Variants in TNS1 observed in about 807,000 individuals in gnomAD.
The protein encoded by TNS1 is tensin 1.
Under a neutral mutation model 168.6 loss-of-function variants are expected in TNS1, and 62 were observed. The ratio of observed to expected loss-of-function variants is 0.37; its 90% CI spans 0.30 to 0.45. The LOEUF is 0.45. TNS1 is among the 20% of genes least tolerant of loss of function. TNS1 has a pLI of 1.00. For synonymous variants in TNS1, 934 were observed against 933.2 expected (o/e 1.00, Z -0.02); for missense variants, 2,240 against 2,339.4 (o/e 0.96, Z 0.88).
Position 217,935,271 on chromosome 2 carries a change from C to G in TNS1, c.187-15035G>C, listed in dbSNP as rs148569930. ...GGCACTGGACTCCAGGCCACCTACT[C>G]AGAACAGTCTGCCCAGGAGGCAGGG... On this transcript the variant is annotated intron_variant, in intron 3 of 32. Coordinates refer to ENST00000682258, the MANE Select transcript of TNS1 (RefSeq NM_001387777.1). 7.3e-4 allele frequency among the ~76,000 whole-genome samples: 112 copies of G among 152,390 alleles called. 1 individual carries two copies. Among genetic ancestry groups the G allele is most frequent in the Admixed American group, 1.6e-3 (24 of 15,314 alleles).
At chr2:217,900,403 A>T in intron 7 of TNS1, 60 bp downstream of exon 7, 1 of 1,511,296 alleles carries the variant, frequency 6.6e-7, no homozygotes, top group Non-Finnish European at 8.9e-7. Context: ...CTTAACAGGG[A>T]CACCCACAGT....
chr2:217,929,458 G>C (rs1274947562), intron 3 of TNS1, among the ~76,000 whole-genome samples: 1 of 152,128 alleles, frequency 6.6e-6, no homozygotes, highest in Non-Finnish European at 1.5e-5. Context: ...AAGACAGCAA[G>C]CCTACCGGGG....
intron 19 of TNS1, among the ~76,000 whole-genome samples, chr2:217,837,734 G>C (rs1945364201): frequency 6.6e-6 from 1 of 152,240 alleles, no homozygotes; most frequent in Admixed American, 6.5e-5. Context: ...CTTACAAACT[G>C]TTCCACTTAA....
chr2:217,954,712 T>G (rs1559386017), intron 3 of TNS1, among the ~76,000 whole-genome samples: 1 of 152,104 alleles, frequency 6.6e-6, no homozygotes, highest in Non-Finnish European at 1.5e-5. Context: ...CAGCAGCCCT[T>G]CCTGCCCTGC....
intron 18 of TNS1, among the ~76,000 whole-genome samples, chr2:217,879,919 G>A (rs754952908): frequency 1.3e-5 from 2 of 152,180 alleles, no homozygotes; most frequent in African/African-American, 2.4e-5. Flanking sequence ...CAGACGCTGG[G>A]TGCTGGCATC....
chr2:217,826,650 C>T (rs1943662636), intron 22 of TNS1, among the ~76,000 whole-genome samples: 1 of 152,228 alleles, frequency 6.6e-6, no homozygotes, highest in Non-Finnish European at 1.5e-5. Context: ...ACTCCTCACT[C>T]GCACCACCTC....
In TNS1 at chr2:217,814,951, A is replaced by C. The variant is rs201496749; in HGVS notation, c.4690T>G (p.Ser1564Ala). The change falls in exon 25 of 33, where the codon TCT becomes GCT. Residue 1564 changes from serine (S) to alanine (A), a missense_variant. Ser to Ala is a moderately conservative substitution (Grantham distance 99, BLOSUM62 1). This residue lies in a region of TNS1 where 2,131 missense variants were observed against 2,171.2 expected (regional missense o/e 0.98). Transcript: ENST00000682258. ...RAKVKFVQDT[S>A]KYWYKPEISR... ...ATCTCAGGCTTGTACCAATACTTAG[A>C]AGTGTCCTGGACAAACTTCACTTTA... The C allele has an allele frequency of 5.6e-6, 9 of 1,613,668 alleles. No homozygotes were observed. The East Asian group carries it at 2.0e-4, about 36-fold the overall frequency.
At chr2:217,887,009 T>G (rs1028588137) in intron 12 of TNS1, among the ~76,000 whole-genome samples, 1 of 152,118 alleles carries the variant, frequency 6.6e-6, no homozygotes, top group Non-Finnish European at 1.5e-5. Flanking sequence ...AGGCATCATT[T>G]AGCTGCACAA....
At chr2:217,842,634 G>C (rs1309634735) in intron 19 of TNS1, among the ~76,000 whole-genome samples, 1 of 152,192 alleles carries the variant, frequency 6.6e-6, no homozygotes, top group Non-Finnish European at 1.5e-5. Flanking sequence ...GAACAAGTCA[G>C]ATGATGTCAC....
intron 1 of TNS1, among the ~76,000 whole-genome samples, chr2:218,016,755 C>T (rs1958765104): frequency 6.6e-6 from 1 of 152,138 alleles, no homozygotes; most frequent in African/African-American, 2.4e-5. Flanking sequence ...GGGGCTGAGA[C>T]CTGGCGTCAA....
intron 3 of TNS1, among the ~76,000 whole-genome samples, chr2:217,924,639 C>T (rs1453143790): frequency 1.3e-5 from 2 of 152,212 alleles, no homozygotes; most frequent in Admixed American, 1.3e-4. Context: ...ATGCACCAGG[C>T]ACTGGGGCTA....
intron 21 of TNS1, among the ~76,000 whole-genome samples, chr2:217,831,942 A>AACACAC (rs66652637): frequency 0.035 from 5,117 of 146,242 alleles, 159 homozygotes; most frequent in African/African-American, 0.083. Flanking sequence ...ACCCTCACCC[A>AACACAC]ACACACACAC....
At chr2:217,893,380 ATGTGCGCATGTGCGCGCGCG>A in intron 10 of TNS1, 39 bp downstream of exon 10, 1 of 1,515,504 alleles carries the variant, frequency 6.6e-7, no homozygotes, top group Non-Finnish European at 8.8e-7. Context: ...GCACACACAC[ATGTGCGCATGTGCGCGCGCG>A]CACACACACA....
At chr2:217,954,127 C>T (rs914873197) in intron 3 of TNS1, among the ~76,000 whole-genome samples, 2 of 152,168 alleles carry the variant, frequency 1.3e-5, no homozygotes, top group Admixed American at 6.5e-5. Context: ...TCCAGCCTGG[C>T]GAGGTGCTGC....
At chr2:217,889,100 A>G (rs1317623086) in intron 12 of TNS1, among the ~76,000 whole-genome samples, 2 of 152,222 alleles carry the variant, frequency 1.3e-5, no homozygotes, top group East Asian at 3.8e-4. Flanking sequence ...TGCTTGACCA[A>G]TCATTCTTTC....
At chr2:217,917,855 C>A (rs2888530) in intron 4 of TNS1, among the ~76,000 whole-genome samples, 117,624 of 140,882 alleles carry the variant, frequency 0.83, 47,880 homozygotes, top group African/African-American at 0.85. Flanking sequence ...AAAAGACTTG[C>A]GACTGGGGGA....
intron 1 of TNS1, among the ~76,000 whole-genome samples, chr2:218,030,663 C>A (rs973831693): frequency 6.6e-6 from 1 of 152,244 alleles, no homozygotes; most frequent in African/African-American, 2.4e-5. Context: ...TGTCTGGACC[C>A]AGGACTCCTG....
chr2:217,819,448 G>C (rs916456820), intron 23 of TNS1, among the ~76,000 whole-genome samples: 1 of 152,202 alleles, frequency 6.6e-6, no homozygotes, highest in Non-Finnish European at 1.5e-5. Context: ...AGACCTATTG[G>C]CCTGAATGCT....
intron 22 of TNS1, 72 bp downstream of exon 22, chr2:217,831,383 G>T: frequency 7.4e-7 from 1 of 1,353,592 alleles, no homozygotes; most frequent in Non-Finnish European, 1.0e-6. Context: ...CTGAGACCCG[G>T]GTTTCTGTCC....
Sources: allele counts gnomAD v4.1 joint callset (sites outside exome capture counted in the v4.1 genomes callset), GRCh38; gene constraint gnomAD v4.1.1; regional missense constraint gnomAD v4.1.1; transcripts MANE v1.5; gene names NCBI Gene and HGNC (gene_info 2026-07-23, HGNC 2026-07-21).